The following FLT1 variants were observed in gnomAD, a reference collection of about 807,000 sequenced individuals.
FLT1 encodes vascular endothelial growth factor receptor 1.
A neutral mutation model predicts 156.3 loss-of-function variants in FLT1; 49 were observed. That is an observed-to-expected ratio of 0.31 (90% confidence interval 0.25 to 0.40). The LOEUF (loss-of-function observed/expected upper bound fraction) is 0.40, where lower values mean the gene tolerates loss of function less well. FLT1 is among the 10% of genes least tolerant of loss of function. The pLI, the probability that FLT1 is intolerant of heterozygous loss-of-function variation, is 1.00. For synonymous variants in FLT1, 594 were observed against 583.8 expected (o/e 1.02, Z -0.25); for missense variants, 1,322 against 1,637.2 (o/e 0.81, Z 3.32).
chr13:28,474,485 GACACACACACACACACACAC>G (rs57021123), intron 1 of FLT1, among the ~76,000 whole-genome samples: 6 of 112,462 alleles, frequency 5.3e-5, no homozygotes, highest in Admixed American at 9.6e-5. Flanking sequence ...AACAACCACA[GACACACACACACACACACAC>G]ACACACACAC....
chr13:28,337,538 A>G (rs1462564118), intron 17 of FLT1, among the ~76,000 whole-genome samples: 1 of 152,220 alleles, frequency 6.6e-6, no homozygotes, highest in Non-Finnish European at 1.5e-5. Flanking sequence ...TTGCAGCCAC[A>G]CTCTGTATTG....
chr13:28,426,185 T>G (rs1402506050), intron 10 of FLT1, among the ~76,000 whole-genome samples: 2 of 149,714 alleles, frequency 1.3e-5, no homozygotes, highest in African/African-American at 2.5e-5. Context: ...GCAAGTGGAG[T>G]TAAAAGTAAT....
intron 10 of FLT1, among the ~76,000 whole-genome samples, chr13:28,416,361 G>T (rs562874489): frequency 6.6e-6 from 1 of 152,294 alleles, no homozygotes; most frequent in Admixed American, 6.5e-5. Flanking sequence ...TTTCAGGATC[G>T]TGAGCTTTTG....
chr13:28,472,103 GA>G (rs142213230), intron 1 of FLT1, among the ~76,000 whole-genome samples: 1,807 of 152,264 alleles, frequency 0.012, 41 homozygotes, highest in African/African-American at 0.042. Flanking sequence ...CTGGCAGGTG[GA>G]ACAGAACTTT....
At chr13:28,424,010 G>A (rs1255252167) in intron 10 of FLT1, among the ~76,000 whole-genome samples, 1 of 151,742 alleles carries the variant, frequency 6.6e-6, no homozygotes, top group Non-Finnish European at 1.5e-5. Context: ...GAGTGCAGTG[G>A]TGCGATCTCA....
intron 15 of FLT1, among the ~76,000 whole-genome samples, chr13:28,354,571 G>A (rs547926150): frequency 2.6e-5 from 4 of 152,234 alleles, no homozygotes; most frequent in East Asian, 3.9e-4. Context: ...AGGATATAGC[G>A]CTACTTATTT....
intron 4 of FLT1, among the ~76,000 whole-genome samples, chr13:28,435,523 C>T (rs1177156537): frequency 2.0e-5 from 3 of 152,158 alleles, no homozygotes; most frequent in Admixed American, 6.5e-5. Context: ...AATTACCTTC[C>T]CCCAACAGAT....
chr13:28,368,751 CTGG>C lies in FLT1; in HGVS notation c.2117-11069_2117-11067del, dbSNP rs1873419855. ...CAGAGTTTTGCTCTTGTTGCCCAGGCTGGAGTGCAATGGTGCAATCTCTGCGCA... is the reference window on the plus strand; with the variant it reads ...CAGAGTTTTGCTCTTGTTGCCCAGGCAGTGCAATGGTGCAATCTCTGCGCA... On this transcript the variant is annotated intron_variant, in intron 14 of 29. Transcript: ENST00000282397. 3 of 661,286 alleles carry C rather than the reference CTGG, an allele frequency of 4.5e-6. No individual in the cohort carries two copies. In the African/African-American group the frequency reaches 5.8e-5, roughly 13 times the overall value. The allele number at this position is 661,286 out of a possible 1,614,324, so 41.0% of individuals were successfully genotyped here. A position where few individuals can be genotyped will look rare whatever the true frequency, so the allele number is the denominator to read the frequency against.
chr13:28,317,832 C>T (rs923065604), intron 24 of FLT1, among the ~76,000 whole-genome samples: 1 of 152,234 alleles, frequency 6.6e-6, no homozygotes, highest in Non-Finnish European at 1.5e-5. Flanking sequence ...CTGGTGCTCA[C>T]AGGCTATTCC....
At chr13:28,468,605 T>C (rs1224006041) in intron 1 of FLT1, among the ~76,000 whole-genome samples, 2 of 152,170 alleles carry the variant, frequency 1.3e-5, no homozygotes, top group East Asian at 1.9e-4. Context: ...TGGGGCCTGA[T>C]GGGAGGTGTT....
intron 1 of FLT1, among the ~76,000 whole-genome samples, chr13:28,475,365 A>G (rs527294453): frequency 2.6e-5 from 4 of 152,138 alleles, no homozygotes; most frequent in Non-Finnish European, 4.4e-5. Context: ...TTGATTTTGC[A>G]TACTGTGTTT....
Position 28,322,274 on chromosome 13 carries a change from C to T in FLT1, c.3039G>A (p.Leu1013=), listed in dbSNP as rs914418977. ...SFQVARGMEF[L]SSRKCIHRDL... is the part of the protein sequence containing the mutation. ...CAGCAAGACTGACCTTTCTGGAAGACAGGAACTCCATGCCTCTGGCCACTT... is the reference window on the plus strand; with the variant it reads ...CAGCAAGACTGACCTTTCTGGAAGATAGGAACTCCATGCCTCTGGCCACTT... The change falls in exon 22 of 30, where the codon CTG becomes CTA. Residue 1013 remains leucine (L), a synonymous_variant. Transcript: ENST00000282397. The surrounding 1 kb of genome is among the most constrained non-coding windows in gnomAD (Gnocchi z 4.3). 3 of 1,604,742 alleles carry T rather than the reference C, an allele frequency of 1.9e-6. No homozygotes were observed. Among genetic ancestry groups the T allele is most frequent in the Non-Finnish European group, 2.6e-6 (3 of 1,171,524 alleles).
At chr13:28,385,173 T>A in intron 13 of FLT1, 142 bp from the exon 14 acceptor site, 1 of 842,400 alleles carries the variant, frequency 1.2e-6, no homozygotes. Context: ...TTCTCTTCAA[T>A]CATTAACCTG....
chr13:28,315,302 C>A (rs1566281356), intron 25 of FLT1, among the ~76,000 whole-genome samples: 1 of 152,228 alleles, frequency 6.6e-6, no homozygotes, highest in Non-Finnish European at 1.5e-5. Flanking sequence ...CGCCTGTAAT[C>A]CCAACACTTT....
At chr13:28,452,747 T>C (rs1416053015) in intron 3 of FLT1, among the ~76,000 whole-genome samples, 1 of 152,116 alleles carries the variant, frequency 6.6e-6, no homozygotes, top group Non-Finnish European at 1.5e-5. Flanking sequence ...TTCTTTATAT[T>C]TTTAGATTAA....
intron 19 of FLT1, among the ~76,000 whole-genome samples, chr13:28,328,105 G>C (rs1871770418): frequency 6.6e-6 from 1 of 152,164 alleles, no homozygotes; most frequent in African/African-American, 2.4e-5. Context: ...TGCAGATCAA[G>C]GAGCTACTAC....
chr13:28,372,379 C>T (rs1362456946), intron 14 of FLT1, among the ~76,000 whole-genome samples: 9 of 149,770 alleles, frequency 6.0e-5, no homozygotes, highest in Non-Finnish European at 1.2e-4. Context: ...CCACTGCATC[C>T]GGCCATATAT....
chr13:28,404,056 A>C (rs1875633484), intron 11 of FLT1, among the ~76,000 whole-genome samples: 1 of 150,666 alleles, frequency 6.6e-6, no homozygotes, highest in Non-Finnish European at 1.5e-5. Context: ...AAAAAAAAAA[A>C]AGAAAGAAAG....
intron 1 of FLT1, among the ~76,000 whole-genome samples, chr13:28,468,698 C>G (rs575831651): frequency 1.3e-5 from 2 of 152,246 alleles, no homozygotes; most frequent in South Asian, 2.1e-4. Context: ...GCACCTCCCC[C>G]CTTCTCTTGT....
Sources: allele counts gnomAD v4.1 joint callset (sites outside exome capture counted in the v4.1 genomes callset), GRCh38; gene constraint gnomAD v4.1.1; non-coding constraint Gnocchi (gnomAD v3.1); transcripts MANE v1.5; gene names NCBI Gene and HGNC (gene_info 2026-07-23, HGNC 2026-07-21).